CDYL: variants seen among roughly 807,000 people sequenced by gnomAD.
CDYL encodes the protein chromodomain Y-like protein.
A neutral mutation model predicts 47.3 loss-of-function variants in CDYL; 8 were observed. That is an observed-to-expected ratio of 0.17 (90% CI 0.10 to 0.31). The LOEUF (loss-of-function observed/expected upper bound fraction) is 0.31, where lower values mean the gene tolerates loss of function less well. Among genes scored for constraint, CDYL ranks in the 10% least tolerant of loss-of-function variants. The pLI is 1.00. For missense variants in CDYL, 471 were observed against 701.4 expected (o/e 0.67, Z 3.71); for synonymous variants, 266 against 265.0 (o/e 1.00, Z -0.04).
chr6:4,817,253 A>G (rs1759701071), intron 1 of CDYL, among the ~76,000 whole-genome samples: 2 of 152,032 alleles, frequency 1.3e-5, no homozygotes, highest in Admixed American at 6.6e-5. Context: ...ATACTCATGC[A>G]TTGAACTGTG....
intron 2 of CDYL, chr6:4,724,401 C>T (rs1757447559): frequency 6.6e-6 from 1 of 152,232 alleles, no homozygotes; most frequent in South Asian, 2.1e-4. Context: ...TGTAACATGT[C>T]AGGGCTTACC....
chr6:4,768,263 A>G (rs1426006279), intron 3 of CDYL, among the ~76,000 whole-genome samples: 1 of 152,224 alleles, frequency 6.6e-6, no homozygotes, highest in African/African-American at 2.4e-5. Context: ...CAGTCACAAT[A>G]AACACATCTA....
intron 2 of CDYL, among the ~76,000 whole-genome samples, chr6:4,930,968 G>T (rs1258668322): frequency 6.6e-6 from 1 of 152,128 alleles, no homozygotes; most frequent in African/African-American, 2.4e-5. Flanking sequence ...GAGGGGGGCG[G>T]TTTTTTTCTG....
chr6:4,881,625 T>C (rs1237976746), intron 1 of CDYL, among the ~76,000 whole-genome samples: 6 of 152,254 alleles, frequency 3.9e-5, no homozygotes, highest in Non-Finnish European at 7.3e-5. Flanking sequence ...TTGTTATATA[T>C]TTTCTGTCTA....
chr6:4,737,384 G>A (rs963122536), intron 3 of CDYL, among the ~76,000 whole-genome samples: 1 of 152,008 alleles, frequency 6.6e-6, no homozygotes, highest in Admixed American at 6.6e-5. Context: ...CAGGCGCAGT[G>A]GCTCACGCCT....
intron 1 of CDYL, among the ~76,000 whole-genome samples, chr6:4,839,876 T>G (rs978175089): frequency 2.6e-5 from 4 of 152,216 alleles, no homozygotes; most frequent in Admixed American, 6.5e-5. Context: ...TTGTTCTTTT[T>G]GCTTAGTCTT....
At chr6:4,737,233 GCTTT>G (rs1438938794) in intron 3 of CDYL, among the ~76,000 whole-genome samples, 3 of 152,176 alleles carry the variant, frequency 2.0e-5, no homozygotes, top group Admixed American at 2.0e-4. Flanking sequence ...GACAGTAGAA[GCTTT>G]CTAAGTATAA....
At chr6:4,760,538 A>G (rs1405106539) in intron 3 of CDYL, among the ~76,000 whole-genome samples, 2 of 152,188 alleles carry the variant, frequency 1.3e-5, no homozygotes, top group Admixed American at 6.5e-5. Flanking sequence ...ATTTAGAGGA[A>G]TATTCGTGGA....
At chr6:4,736,726 C>T (rs1279619191) in intron 3 of CDYL, among the ~76,000 whole-genome samples, 1 of 151,416 alleles carries the variant, frequency 6.6e-6, no homozygotes, top group Non-Finnish European at 1.5e-5. Context: ...AACCCATAGA[C>T]TTAGCAGGAG....
At chr6:4,715,737 G>A (rs1179947390) in intron 1 of CDYL, 2 of 1,610,412 alleles carry the variant, frequency 1.2e-6, no homozygotes, top group African/African-American at 1.3e-5. Flanking sequence ...GATTGTAATT[G>A]CAGGTGGTCA....
chr6:4,759,879 C>G (rs1222848777), intron 3 of CDYL, among the ~76,000 whole-genome samples: 1 of 25,044 alleles, frequency 4.0e-5, no homozygotes, highest in Non-Finnish European at 1.1e-4. Flanking sequence ...AACTCCATCT[C>G]AAAAAAAAAA....
At chr6:4,727,266 A>G (rs1757530855) in intron 2 of CDYL, among the ~76,000 whole-genome samples, 1 of 152,170 alleles carries the variant, frequency 6.6e-6, no homozygotes, top group East Asian at 1.9e-4. Flanking sequence ...ATCTAAATCA[A>G]TAAGTAATGA....
At chr6:4,862,309 G>A (rs149014956) in intron 1 of CDYL, among the ~76,000 whole-genome samples, 197 of 152,192 alleles carry the variant, frequency 1.3e-3, no homozygotes, top group African/African-American at 4.4e-3. Flanking sequence ...AGATATTTTC[G>A]TTCTTTTTTG....
intron 1 of CDYL, among the ~76,000 whole-genome samples, chr6:4,791,129 A>T (rs1758905020): frequency 1.3e-5 from 2 of 152,164 alleles, no homozygotes; most frequent in Non-Finnish European, 2.9e-5. Flanking sequence ...CAACATGAAG[A>T]CTCATATACA....
At chr6:4,816,677 C>T (rs1489400558) in intron 1 of CDYL, among the ~76,000 whole-genome samples, 7 of 151,472 alleles carry the variant, frequency 4.6e-5, no homozygotes, top group East Asian at 1.9e-4. Flanking sequence ...TTAGTAGAGA[C>T]GGGGTTTTGC....
chr6:4,926,250 G>A (rs1045558177), intron 2 of CDYL, among the ~76,000 whole-genome samples: 5 of 152,150 alleles, frequency 3.3e-5, no homozygotes, highest in African/African-American at 1.2e-4. Flanking sequence ...AAGAAAATTT[G>A]CAGATTATGT....
At chr6:4,907,571 T>C (rs1453228303) in intron 2 of CDYL, among the ~76,000 whole-genome samples, 1 of 152,076 alleles carries the variant, frequency 6.6e-6, no homozygotes, top group Non-Finnish European at 1.5e-5. Context: ...CTACAAAAGA[T>C]GGGGTTTTGC....
intron 2 of CDYL, among the ~76,000 whole-genome samples, chr6:4,734,383 A>G (rs1037114871): frequency 2.6e-5 from 4 of 152,154 alleles, no homozygotes; most frequent in Admixed American, 2.6e-4. Context: ...AGCCTGGGGC[A>G]CATGATGCAG....
intron 1 of CDYL, among the ~76,000 whole-genome samples, chr6:4,806,578 G>C (rs1027280687): frequency 3.3e-5 from 5 of 152,158 alleles, no homozygotes; most frequent in African/African-American, 1.2e-4. Flanking sequence ...AAAGTCTTTG[G>C]GAGGAGCTAT....
Sources: gnomAD v4.1 joint callset for allele counts (sites outside exome capture counted in the v4.1 genomes callset) on GRCh38, gnomAD v4.1.1 for gene constraint, MANE v1.5 for transcripts, NCBI Gene and HGNC (gene_info 2026-07-23, HGNC 2026-07-21) for gene names.